The following APBA1 variants were observed in gnomAD, a reference collection of about 807,000 sequenced individuals.
APBA1 encodes the protein amyloid-beta A4 precursor protein-binding family A member 1.
A neutral mutation model predicts 86.6 loss-of-function variants in APBA1; 55 were observed. The observed-to-expected ratio is 0.64, with a 90% CI of 0.51 to 0.80. The LOEUF (loss-of-function observed/expected upper bound fraction) is 0.80. Among genes scored for constraint, APBA1 ranks in the 30% least tolerant of loss-of-function variants. The pLI is 0.00. For missense variants in APBA1, 1,090 were observed against 1,183.0 expected, an observed-to-expected ratio of 0.92 and a Z score of 1.15; for synonymous variants, 511 against 493.9, an observed-to-expected ratio of 1.03 and a Z score of -0.46.
chr9:69,526,909 G>A (rs1181044044), intron 1 of APBA1, among the ~76,000 whole-genome samples: 2 of 152,088 alleles, frequency 1.3e-5, no homozygotes, highest in East Asian at 3.9e-4. Flanking sequence ...GAAAAAGAGT[G>A]AAATAATGTC....
At chr9:69,643,174 A>T (rs745999434) in intron 1 of APBA1, among the ~76,000 whole-genome samples, 7 of 152,132 alleles carry the variant, frequency 4.6e-5, no homozygotes, top group Non-Finnish European at 7.3e-5. Context: ...AATCCTACTC[A>T]TAAGTGTTTA....
In APBA1 at chr9:69,430,292, G is replaced by C. The variant is rs1400074240; in HGVS notation, c.*1035C>G. On this transcript the variant is annotated 3_prime_UTR_variant, in exon 13 of 13. Coordinates refer to ENST00000265381, the MANE Select transcript of APBA1 (RefSeq NM_001163.4). The stretch of plus-strand genomic sequence containing the variant: ...ACAGTCCCTCCTTCCCAGACTCCTG[G>C]GATGTGTGTTCGGCAGGGAGGGGAG... 6.6e-6 allele frequency: 1 copy of C among 152,254 alleles called. No individual in the cohort carries two copies. The highest frequency in any genetic ancestry group is 1.5e-5 in the Non-Finnish European group (1 of 68,084). The allele number at this position is 152,254 out of a possible 1,614,324, so 9.4% of individuals were successfully genotyped here. A position where few individuals can be genotyped will look rare whatever the true frequency, so the allele number is the denominator to read the frequency against.
chr9:69,485,896 C>G (rs1011946491), intron 2 of APBA1, among the ~76,000 whole-genome samples: 1 of 151,952 alleles, frequency 6.6e-6, no homozygotes, highest in Admixed American at 6.5e-5. Flanking sequence ...GGCAATGGAG[C>G]CAGAAGTGGG....
At chr9:69,598,832 G>C (rs1433147819) in intron 1 of APBA1, among the ~76,000 whole-genome samples, 3 of 152,216 alleles carry the variant, frequency 2.0e-5, no homozygotes, top group African/African-American at 7.2e-5. Context: ...ATTCTTGAAA[G>C]TCCAAGGATC....
intron 1 of APBA1, among the ~76,000 whole-genome samples, chr9:69,638,968 G>C (rs140374644): frequency 1.3e-5 from 2 of 152,092 alleles, no homozygotes. Flanking sequence ...CAGGGACAGA[G>C]CTTCTCAAAA....
intron 1 of APBA1, among the ~76,000 whole-genome samples, chr9:69,540,159 A>C (rs867507070): frequency 2.3e-5 from 2 of 86,546 alleles, no homozygotes; most frequent in South Asian, 3.6e-4. Context: ...ACAACAACAA[A>C]AGTCACCTTA....
chr9:69,552,860 C>A (rs1224824975), intron 1 of APBA1, among the ~76,000 whole-genome samples: 1 of 151,522 alleles, frequency 6.6e-6, no homozygotes, highest in African/African-American at 2.4e-5. Context: ...TTTCCTTCTA[C>A]CCTCACCTTG....
At chr9:69,633,545 C>G (rs1823093704) in intron 1 of APBA1, among the ~76,000 whole-genome samples, 1 of 152,174 alleles carries the variant, frequency 6.6e-6, no homozygotes, top group Non-Finnish European at 1.5e-5. Context: ...TTTGCCATCC[C>G]AACTGACCTT....
intron 1 of APBA1, among the ~76,000 whole-genome samples, chr9:69,565,775 G>A (rs1837016226): frequency 6.6e-6 from 1 of 152,130 alleles, no homozygotes; most frequent in Non-Finnish European, 1.5e-5. Context: ...CTTTCAGCTA[G>A]GCCTTGGCAT....
rs759598664 is a variant in APBA1 at position 69,441,102 on chromosome 9, T to C, written c.2195A>G (p.Gln732Arg). 6.2e-7 allele frequency: 1 copy of C among 1,614,022 alleles called. No individual in the cohort carries two copies. Among genetic ancestry groups the C allele is most frequent in the Admixed American group, 1.7e-5 (1 of 60,014 alleles). The part of the protein sequence containing the change: ...CQSIIKGLKN[Q>R]SRVKLNIVRC... Reference sequence around the variant, plus strand: ...CACGATATTCAGCTTGACTCGGGACTGATTCTTTAAGCCCTTAAACATGAA... The same window carrying C: ...CACGATATTCAGCTTGACTCGGGACCGATTCTTTAAGCCCTTAAACATGAA... Residue 732 changes from glutamine to arginine, a missense_variant, in exon 11 of 13, where the codon CAG (glutamine) becomes CGG (arginine). Coordinates refer to ENST00000265381, the MANE Select transcript of APBA1 (RefSeq NM_001163.4).
At chr9:69,660,434 A>G (rs1427772569) in intron 1 of APBA1, among the ~76,000 whole-genome samples, 2 of 152,242 alleles carry the variant, frequency 1.3e-5, no homozygotes, top group Non-Finnish European at 2.9e-5. Flanking sequence ...AGGATACCCA[A>G]GGGAGCAAAG....
intron 1 of APBA1, among the ~76,000 whole-genome samples, chr9:69,590,978 C>A (rs777298095): frequency 1.3e-5 from 2 of 152,160 alleles, no homozygotes; most frequent in African/African-American, 4.8e-5. Context: ...TGAATAGACC[C>A]GTGAAGAAAA....
chr9:69,648,258 T>C (rs1279609674), intron 1 of APBA1, among the ~76,000 whole-genome samples: 4 of 152,120 alleles, frequency 2.6e-5, no homozygotes, highest in Non-Finnish European at 4.4e-5. Context: ...AATAAAACTC[T>C]CTCCTAGAGA....
chr9:69,566,371 G>A (rs1837026707), intron 1 of APBA1, among the ~76,000 whole-genome samples: 1 of 152,090 alleles, frequency 6.6e-6, no homozygotes, highest in Admixed American at 6.6e-5. Flanking sequence ...TTTGTAGGTG[G>A]GTTTCTACAC....
At chr9:69,633,415 G>T (rs1291160524) in intron 1 of APBA1, among the ~76,000 whole-genome samples, 1 of 152,148 alleles carries the variant, frequency 6.6e-6, no homozygotes, top group African/African-American at 2.4e-5. Context: ...TAAGCAGAAA[G>T]CAGCAGTTGA....
chr9:69,564,116 T>C lies in APBA1; in HGVS notation c.-69-46837A>G, dbSNP rs118143088. ...CATTCTCTCCTGACTTCTGTATTTC[T>C]AATAAGCACCTCTCGGTTTCAGGAT... On this transcript the variant is annotated intron_variant, in intron 1 of 12. Coordinates refer to ENST00000265381, the MANE Select transcript of APBA1 (RefSeq NM_001163.4). Among the ~76,000 whole-genome samples, 24 of 152,310 alleles carry C rather than the reference T, an allele frequency of 1.6e-4. 3 individuals carry two copies. The East Asian group carries it at 4.4e-3, about 28-fold the overall frequency.
At chr9:69,452,078 C>A in intron 9 of APBA1, 44 bp downstream of exon 9, 2 of 1,589,526 alleles carry the variant, frequency 1.3e-6, no homozygotes, top group South Asian at 1.1e-5. Context: ...CAAGCCCCTG[C>A]CCAGCTGACC....
intron 2 of APBA1, 150 bp from the exon 3 acceptor site, chr9:69,476,293 A>G (rs867867845): frequency 2.2e-5 from 13 of 586,442 alleles, no homozygotes; most frequent in Non-Finnish European, 3.6e-5. Context: ...GGAGCTGCCA[A>G]CTGTACATAA....
intron 1 of APBA1, among the ~76,000 whole-genome samples, chr9:69,575,604 G>C (rs1407846286): frequency 5.9e-5 from 9 of 152,038 alleles, no homozygotes; most frequent in Non-Finnish European, 1.2e-4. Context: ...CAAGAAATAG[G>C]GAAAGAATTC....
Sources: allele counts gnomAD v4.1 joint callset (sites outside exome capture counted in the v4.1 genomes callset), GRCh38; gene constraint gnomAD v4.1.1; transcripts MANE v1.5; gene names NCBI Gene and HGNC (gene_info 2026-07-23, HGNC 2026-07-21).